The following FAIM2 variants were observed in gnomAD, a reference collection of about 807,000 sequenced individuals.
FAIM2 encodes the protein protein lifeguard 2.
Under a neutral mutation model 47.4 loss-of-function variants are expected in FAIM2, and 27 were observed. The ratio of observed to expected loss-of-function variants is 0.57; its 90% CI spans 0.42 to 0.78. The LOEUF (loss-of-function observed/expected upper bound fraction) is 0.78, where lower values mean the gene tolerates loss of function less well. Among genes scored for constraint, FAIM2 ranks in the 30% least tolerant of loss-of-function variants. The pLI is 0.00. For synonymous variants in FAIM2, 156 were observed against 159.3 expected (o/e 0.98, Z 0.16); for missense variants, 311 against 389.4 (o/e 0.80, Z 1.69).
chr12:49,895,363 T>A (rs903484618), intron 5 of FAIM2, among the ~76,000 whole-genome samples: 1 of 151,308 alleles, frequency 6.6e-6, no homozygotes, highest in Non-Finnish European at 1.5e-5. Context: ...TGCCTCCACC[T>A]CCCGGGCCTA....
intron 11 of FAIM2, among the ~76,000 whole-genome samples, chr12:49,875,046 G>C (rs7956411): frequency 2.8e-3 from 424 of 152,332 alleles, no homozygotes; most frequent in African/African-American, 9.3e-3. Flanking sequence ...ATAATTCATG[G>C]TTCCTGCTGG....
chr12:49,876,398 C>T (rs991693431), intron 11 of FAIM2, among the ~76,000 whole-genome samples: 1 of 152,160 alleles, frequency 6.6e-6, no homozygotes, highest in Non-Finnish European at 1.5e-5. Flanking sequence ...ATAACCTTGT[C>T]ATTTAGATGA....
intron 6 of FAIM2, 22 bp downstream of exon 6, chr12:49,891,042 C>T (rs867589728): frequency 1.2e-6 from 2 of 1,612,530 alleles, no homozygotes; most frequent in South Asian, 2.2e-5. Flanking sequence ...CCCACAAGTT[C>T]CTCCTCAAGC....
chr12:49,885,917 G>A (rs999052626), intron 11 of FAIM2, among the ~76,000 whole-genome samples: 6 of 152,086 alleles, frequency 3.9e-5, no homozygotes, highest in East Asian at 1.9e-4. Flanking sequence ...CGGAGAGGAC[G>A]CGTGAATGAA....
Position 49,889,199 on chromosome 12 carries a change from C to A in FAIM2, c.655G>T (p.Asp219Tyr). The A allele has an allele frequency of 6.2e-7, 1 of 1,609,288 alleles. No individual in the cohort carries two copies. The highest frequency in any genetic ancestry group is 1.1e-5 in the South Asian group (1 of 89,896). ...VTVFSFQTKF[D>Y]FTSCQGVLFV... Reference sequence around the variant, plus strand: ...AGCACGCCCTGGCAGGAGGTGAAGTCGAACTGTGGGGACAGGATGGGGTTA... The same window carrying A: ...AGCACGCCCTGGCAGGAGGTGAAGTAGAACTGTGGGGACAGGATGGGGTTA... The change falls in exon 10 of 12, where the codon GAC becomes TAC. Residue 219 changes from aspartate to tyrosine, a missense_variant. Coordinates refer to ENST00000320634, the MANE Select transcript of FAIM2 (RefSeq NM_012306.4).
intron 10 of FAIM2, 75 bp from the exon 11 acceptor site, chr12:49,887,514 T>C: frequency 7.7e-7 from 1 of 1,307,064 alleles, no homozygotes; most frequent in Admixed American, 1.9e-5. Flanking sequence ...GAGGGTTCAG[T>C]CCAGAGAATG....
At chr12:49,890,934 G>C (rs1165195720) in intron 6 of FAIM2, 130 bp downstream of exon 6, 3 of 972,002 alleles carry the variant, frequency 3.1e-6, no homozygotes, top group Non-Finnish European at 5.0e-6. Context: ...CTGCCTGCTC[G>C]ATAGAGGCCC....
intron 10 of FAIM2, among the ~76,000 whole-genome samples, chr12:49,888,451 G>A (rs953985929): frequency 7.9e-5 from 12 of 152,086 alleles, no homozygotes; most frequent in African/African-American, 2.7e-4. Context: ...CCCCAGCAGC[G>A]GTCCAACAGC....
intron 3 of FAIM2, 23 bp downstream of exon 3, chr12:49,897,964 A>G: frequency 6.3e-7 from 1 of 1,585,684 alleles, no homozygotes. Context: ...TCCCAGTCCC[A>G]GAGGGCTACA....
At chr12:49,881,959 G>A (rs781699288) in intron 11 of FAIM2, among the ~76,000 whole-genome samples, 6 of 152,238 alleles carry the variant, frequency 3.9e-5, no homozygotes, top group Non-Finnish European at 5.9e-5. Context: ...CAAGAGAGGG[G>A]CTGATGTTTC....
rs190814516 is a variant in FAIM2 at position 49,874,749 on chromosome 12, G to A, written c.802-4096C>T. Reference sequence around the variant, plus strand: ...GTGCCACGTGGACTGTGTCTGTCCTGCATAAATGCCAGTGTGAGGGCGTGT... The same window carrying A: ...GTGCCACGTGGACTGTGTCTGTCCTACATAAATGCCAGTGTGAGGGCGTGT... On this transcript the variant is annotated intron_variant, in intron 11 of 11. Coordinates refer to ENST00000320634, the MANE Select transcript of FAIM2 (RefSeq NM_012306.4). This position sits in a 1 kb window ranked among gnomAD's most constrained non-coding sequence, Gnocchi z 4.2. Among the ~76,000 whole-genome samples the A allele has an allele frequency of 7.2e-5, 11 of 152,332 alleles. No homozygotes were observed. The highest frequency in any genetic ancestry group is 7.2e-4 in the Admixed American group (11 of 15,294).
intron 11 of FAIM2, among the ~76,000 whole-genome samples, chr12:49,877,191 A>C (rs1638576101): frequency 6.6e-6 from 1 of 151,612 alleles, no homozygotes; most frequent in Non-Finnish European, 1.5e-5. Context: ...GGGCTTCTCC[A>C]CCTCCTCCTG....
intron 11 of FAIM2, among the ~76,000 whole-genome samples, chr12:49,884,498 C>A (rs1407570926): frequency 6.6e-6 from 1 of 152,188 alleles, no homozygotes; most frequent in African/African-American, 2.4e-5. Flanking sequence ...GAGGGCAATA[C>A]TGATGACAGA....
chr12:49,880,502 G>GTATATGTGTGTGTA (rs1477546725), intron 11 of FAIM2, among the ~76,000 whole-genome samples: 35 of 111,596 alleles, frequency 3.1e-4, no homozygotes, highest in African/African-American at 1.2e-3. Flanking sequence ...GTATGTGTGT[G>GTATATGTGTGTGTA]TATGAGTGTG....
chr12:49,880,183 T>C (rs1198785828), intron 11 of FAIM2, among the ~76,000 whole-genome samples: 3 of 125,474 alleles, frequency 2.4e-5, no homozygotes, highest in Admixed American at 7.6e-5. Flanking sequence ...TGTGTATGCA[T>C]GTGTGTATAT....
intron 7 of FAIM2, 90 bp from the exon 8 acceptor site, chr12:49,890,244 G>T: frequency 8.5e-7 from 1 of 1,177,302 alleles, no homozygotes; most frequent in Non-Finnish European, 1.3e-6. Flanking sequence ...TCCACCCCTT[G>T]CAGGTACCCC....
chr12:49,897,763 C>CA (rs1256280892), intron 3 of FAIM2, among the ~76,000 whole-genome samples, 180 bp from the exon 4 acceptor site: 4 of 121,518 alleles, frequency 3.3e-5, no homozygotes, highest in Non-Finnish European at 1.5e-5. Flanking sequence ...GAGCCAAGCG[C>CA]ACCCCCCCCC....
chr12:49,878,922 G>A (rs111203863), intron 11 of FAIM2, among the ~76,000 whole-genome samples: 1 of 136,322 alleles, frequency 7.3e-6, no homozygotes, highest in African/African-American at 2.8e-5. Flanking sequence ...GAGTGCATGT[G>A]TGTATATGTG....
At position 49,874,875 on chromosome 12, in the gene FAIM2, G is replaced by A. The variant is rs1298745414; in HGVS notation, c.802-4222C>T. Among the ~76,000 whole-genome samples the A allele has an allele frequency of 6.6e-6, 1 of 152,162 alleles. No homozygotes were observed. The highest frequency in any genetic ancestry group is 1.5e-5 in the Non-Finnish European group (1 of 68,034). On this transcript the variant is annotated intron_variant, in intron 11 of 11. Coordinates refer to ENST00000320634, the MANE Select transcript of FAIM2 (RefSeq NM_012306.4). The surrounding 1 kb of genome is among the most constrained non-coding windows in gnomAD (Gnocchi z 4.2). The stretch of plus-strand genomic sequence containing the variant: ...CACGGGGGTGGTTAAATAAACTCTG[G>A]GCAGCAGTGCTGAGGTGGAAACATC...
Sources: gnomAD v4.1 joint callset for allele counts (sites outside exome capture counted in the v4.1 genomes callset) on GRCh38, gnomAD v4.1.1 for gene constraint, Gnocchi (gnomAD v3.1) non-coding constraint, MANE v1.5 for transcripts, NCBI Gene and HGNC (gene_info 2026-07-23, HGNC 2026-07-21) for gene names.